The following SLC9A9 variants were observed in gnomAD, a reference collection of about 807,000 sequenced individuals.
The protein encoded by SLC9A9 is sodium/hydrogen exchanger 9.
Under a neutral mutation model 77.8 loss-of-function variants are expected in SLC9A9, and 62 were observed. The ratio of observed to expected loss-of-function variants is 0.80; its 90% CI spans 0.65 to 0.98. The LOEUF is 0.98. SLC9A9 is among the 50% of genes least tolerant of loss of function. The pLI is 0.00. For missense variants in SLC9A9, 775 were observed against 774.9 expected (o/e 1.00, Z 0.00); for synonymous variants, 320 against 283.5 (o/e 1.13, Z -1.29).
At chr3:143,389,868 A>G (rs572467154) in intron 12 of SLC9A9, among the ~76,000 whole-genome samples, 1 of 152,264 alleles carries the variant, frequency 6.6e-6, no homozygotes, top group South Asian at 2.1e-4. Flanking sequence ...GAAGGGTTAG[A>G]GGGAGAAGGA....
intron 13 of SLC9A9, among the ~76,000 whole-genome samples, chr3:143,373,688 G>C (rs1381133123): frequency 2.1e-5 from 3 of 143,582 alleles, no homozygotes; most frequent in Non-Finnish European, 4.5e-5. Context: ...AAATTTACTA[G>C]ATCAGCTTAA....
chr3:143,558,879 T>C (rs1342119686), intron 8 of SLC9A9, among the ~76,000 whole-genome samples: 1 of 152,164 alleles, frequency 6.6e-6, no homozygotes, highest in Admixed American at 6.5e-5. Context: ...CAGAATGTTA[T>C]AGTTTGGCTG....
intron 14 of SLC9A9, among the ~76,000 whole-genome samples, chr3:143,350,728 T>C (rs1046813875): frequency 5.3e-5 from 8 of 152,116 alleles, no homozygotes; most frequent in Admixed American, 4.6e-4. Context: ...GATTAGAAAA[T>C]AGTGGCTCAG....
intron 12 of SLC9A9, among the ~76,000 whole-genome samples, chr3:143,415,584 A>G (rs1418112980): frequency 6.6e-6 from 1 of 152,202 alleles, no homozygotes; most frequent in East Asian, 1.9e-4. Flanking sequence ...TAAGCCCACT[A>G]TTGAGATCTA....
chr3:143,838,341 T>A (rs1397290234), intron 1 of SLC9A9, among the ~76,000 whole-genome samples: 1 of 152,162 alleles, frequency 6.6e-6, no homozygotes, highest in East Asian at 1.9e-4. Context: ...TCAAGCAGTT[T>A]GCGATGGGCA....
chr3:143,416,770 A>G (rs2034201718), intron 12 of SLC9A9, among the ~76,000 whole-genome samples: 1 of 152,200 alleles, frequency 6.6e-6, no homozygotes, highest in Admixed American at 6.5e-5. Flanking sequence ...ATCTGTATGT[A>G]TATTTGTATA....
chr3:143,333,580 C>A (rs1049921947), intron 14 of SLC9A9, among the ~76,000 whole-genome samples: 4 of 152,202 alleles, frequency 2.6e-5, no homozygotes, highest in African/African-American at 9.6e-5. Context: ...GGGGGATAGA[C>A]CACGAAGGTT....
At chr3:143,429,390 A>G (rs557840128) in intron 12 of SLC9A9, among the ~76,000 whole-genome samples, 1 of 152,356 alleles carries the variant, frequency 6.6e-6, no homozygotes, top group East Asian at 1.9e-4. Flanking sequence ...TTGAGATGTC[A>G]TAATAGGACT....
chr3:143,533,843 A>C (rs1389355713), intron 9 of SLC9A9, among the ~76,000 whole-genome samples: 1 of 152,208 alleles, frequency 6.6e-6, no homozygotes. Flanking sequence ...AATAATGTAG[A>C]TATCTCCTAC....
intron 12 of SLC9A9, among the ~76,000 whole-genome samples, chr3:143,393,982 C>T (rs1276056180): frequency 1.3e-5 from 2 of 152,006 alleles, no homozygotes; most frequent in East Asian, 1.9e-4. Flanking sequence ...CAAAAAAAGT[C>T]CAGGACCAGA....
intron 1 of SLC9A9, among the ~76,000 whole-genome samples, chr3:143,837,142 A>G (rs569866832): frequency 6.6e-6 from 1 of 152,276 alleles, no homozygotes; most frequent in Admixed American, 6.5e-5. Flanking sequence ...GTTTTAAAGG[A>G]GATTTTAATC....
At chr3:143,715,633 T>C (rs898066522) in intron 4 of SLC9A9, among the ~76,000 whole-genome samples, 1 of 152,184 alleles carries the variant, frequency 6.6e-6, no homozygotes, top group Non-Finnish European at 1.5e-5. Context: ...CCCTGGATCA[T>C]GGACACATAG....
intron 4 of SLC9A9, among the ~76,000 whole-genome samples, chr3:143,782,286 G>A (rs796613405): frequency 9.9e-5 from 15 of 152,234 alleles, no homozygotes; most frequent in African/African-American, 3.6e-4. Context: ...TCTCTACTAG[G>A]TTGGGAGTGC....
At chr3:143,498,278 T>G (rs970545669) in intron 9 of SLC9A9, among the ~76,000 whole-genome samples, 1 of 152,210 alleles carries the variant, frequency 6.6e-6, no homozygotes, top group Non-Finnish European at 1.5e-5. Context: ...CATTATAATA[T>G]TTCATAGTCT....
At chr3:143,832,744 T>C (rs1450252887) in intron 1 of SLC9A9, among the ~76,000 whole-genome samples, 1 of 151,382 alleles carries the variant, frequency 6.6e-6, no homozygotes, top group African/African-American at 2.4e-5. Context: ...AGGTTATCTG[T>C]GACCATAAGT....
At chr3:143,769,494 A>C (rs943466788) in intron 4 of SLC9A9, among the ~76,000 whole-genome samples, 1 of 152,164 alleles carries the variant, frequency 6.6e-6, no homozygotes, top group Non-Finnish European at 1.5e-5. Context: ...AACAAAAGCA[A>C]AGCCAGAGGT....
At chr3:143,314,258 C>CT (rs1347850597) in intron 14 of SLC9A9, 1 of 152,314 alleles carries the variant, frequency 6.6e-6, no homozygotes, top group Non-Finnish European at 1.5e-5. Context: ...GATCACGTTC[C>CT]TTGCTGCTAG....
At chr3:143,532,962 C>G (rs138540947) in intron 9 of SLC9A9, among the ~76,000 whole-genome samples, 30 of 152,250 alleles carry the variant, frequency 2.0e-4, no homozygotes, top group African/African-American at 7.0e-4. Context: ...TATTGGGGTC[C>G]TTTGTTATAT....
intron 9 of SLC9A9, among the ~76,000 whole-genome samples, chr3:143,513,720 G>A (rs1195353479): frequency 6.6e-6 from 1 of 152,154 alleles, no homozygotes; most frequent in East Asian, 1.9e-4. Flanking sequence ...TGATCCATGG[G>A]CTGCAGAATG....
Sources: gnomAD v4.1 joint callset for allele counts (sites outside exome capture counted in the v4.1 genomes callset) on GRCh38, gnomAD v4.1.1 for gene constraint, MANE v1.5 for transcripts, NCBI Gene and HGNC (gene_info 2026-07-23, HGNC 2026-07-21) for gene names.